The following MATN2 variants were observed in gnomAD, a reference collection of about 807,000 sequenced individuals.
MATN2 encodes matrilin 2.
A neutral mutation model predicts 103.2 loss-of-function variants in MATN2; 69 were observed. That is an observed-to-expected ratio of 0.67 (90% CI 0.55 to 0.82). The LOEUF is 0.82. Among genes scored for constraint, MATN2 ranks in the 40% least tolerant of loss-of-function variants. The pLI is 0.00. For synonymous variants in MATN2, 429 were observed against 450.2 expected (o/e 0.95, Z 0.60); for missense variants, 1,023 against 1,211.5 (o/e 0.84, Z 2.31).
intron 13 of MATN2, among the ~76,000 whole-genome samples, chr8:98,023,416 A>G (rs941619315): frequency 6.6e-5 from 10 of 152,194 alleles, no homozygotes; most frequent in African/African-American, 2.4e-4. Flanking sequence ...CACACCTGTA[A>G]TCCCAGCACC....
chr8:97,881,754 C>T (rs1818259876), intron 1 of MATN2, among the ~76,000 whole-genome samples: 1 of 152,116 alleles, frequency 6.6e-6, no homozygotes. Context: ...AACTGAGAAA[C>T]AACCATTGAG....
intron 5 of MATN2, among the ~76,000 whole-genome samples, chr8:97,964,835 A>G (rs1415513251): frequency 6.6e-6 from 1 of 151,430 alleles, no homozygotes; most frequent in Non-Finnish European, 1.5e-5. Flanking sequence ...CCAGGCTCAC[A>G]TGATCCTCCC....
chr8:98,005,317 G>A lies in MATN2; in HGVS notation c.1327+1534G>A, dbSNP rs539438204. ...CTCTGAGTCCTTTTGAGAGGCCAGC[G>A]GGGAGCGGGTCTCCCATTCAACAGG... is the stretch of plus-strand genomic sequence containing the variant. On this transcript the variant is annotated intron_variant, in intron 8 of 18. Transcript: ENST00000254898. This position sits in a 1 kb window ranked among gnomAD's most constrained non-coding sequence, Gnocchi z 4.6. Among the ~76,000 whole-genome samples the A allele has an allele frequency of 4.3e-4, 65 of 152,306 alleles. 1 individual carries two copies. Among genetic ancestry groups the A allele is most frequent in the African/African-American group, 1.5e-3 (62 of 41,562 alleles).
At chr8:97,890,728 G>A (rs1818600779) in intron 2 of MATN2, among the ~76,000 whole-genome samples, 2 of 152,140 alleles carry the variant, frequency 1.3e-5, no homozygotes, top group African/African-American at 4.8e-5. Context: ...TATGGCCCAG[G>A]CCACATTTCA....
At chr8:97,897,926 G>T (rs1309101957) in intron 2 of MATN2, among the ~76,000 whole-genome samples, 1 of 152,208 alleles carries the variant, frequency 6.6e-6, no homozygotes, top group Non-Finnish European at 1.5e-5. Flanking sequence ...TCTAGGCAAT[G>T]AATATATAAC....
chr8:98,018,765 G>A (rs762547466), intron 12 of MATN2, among the ~76,000 whole-genome samples: 8 of 151,910 alleles, frequency 5.3e-5, no homozygotes, highest in African/African-American at 1.2e-4. Flanking sequence ...GGAAAGCCCC[G>A]TCCCCATGAT....
chr8:98,025,754 A>G (rs1813772806), intron 13 of MATN2: 3 of 445,032 alleles, frequency 6.7e-6, no homozygotes, highest in Admixed American at 2.5e-5. Flanking sequence ...TCAAAAAAGA[A>G]GAAGAAATGA....
intron 1 of MATN2, among the ~76,000 whole-genome samples, chr8:97,873,217 CTAT>C (rs1254451197): frequency 6.6e-6 from 1 of 152,018 alleles, no homozygotes; most frequent in African/African-American, 2.4e-5. Flanking sequence ...GTAAGAAAAA[CTAT>C]TTAGAAAAAA....
chr8:97,963,950 C>T (rs1163761346), intron 5 of MATN2, among the ~76,000 whole-genome samples: 1 of 152,086 alleles, frequency 6.6e-6, no homozygotes, highest in Non-Finnish European at 1.5e-5. Flanking sequence ...ATGGTGAGTA[C>T]AACGCAAATG....
intron 2 of MATN2, among the ~76,000 whole-genome samples, chr8:97,912,928 G>A (rs1158254445): frequency 6.6e-6 from 1 of 152,158 alleles, no homozygotes; most frequent in East Asian, 1.9e-4. Context: ...TTTAACACGG[G>A]GAATTCGGTT....
chr8:97,945,611 C>A (rs1810721424), intron 4 of MATN2, among the ~76,000 whole-genome samples: 1 of 151,528 alleles, frequency 6.6e-6, no homozygotes, highest in Non-Finnish European at 1.5e-5. Context: ...CCCAAGTCCA[C>A]TGCTAATTGC....
intron 5 of MATN2, among the ~76,000 whole-genome samples, chr8:97,973,729 C>T (rs1391535789): frequency 1.3e-5 from 2 of 151,870 alleles, no homozygotes; most frequent in Non-Finnish European, 2.9e-5. Context: ...GCCACCATGC[C>T]CAGCTAATTT....
chr8:97,872,833 C>T (rs1817941685), intron 1 of MATN2, among the ~76,000 whole-genome samples: 3 of 151,010 alleles, frequency 2.0e-5, no homozygotes, highest in South Asian at 2.1e-4. Context: ...CTCGTTCTAT[C>T]GCCCACGCTA....
intron 2 of MATN2, among the ~76,000 whole-genome samples, chr8:97,898,175 C>T (rs138939656): frequency 8.5e-5 from 13 of 152,162 alleles, no homozygotes; most frequent in South Asian, 2.1e-4. Context: ...TTATCCCTTC[C>T]GTGAGTGACA....
intron 5 of MATN2, among the ~76,000 whole-genome samples, chr8:97,966,365 G>A (rs1418272766): frequency 6.6e-6 from 1 of 151,874 alleles, no homozygotes; most frequent in Non-Finnish European, 1.5e-5. Flanking sequence ...AGACAGGCCT[G>A]GGCAACAAAG....
At chr8:97,973,553 AG>A (rs1330084029) in intron 5 of MATN2, among the ~76,000 whole-genome samples, 1 of 150,838 alleles carries the variant, frequency 6.6e-6, no homozygotes, top group African/African-American at 2.4e-5. Context: ...TGAAGAAAAA[AG>A]TATGATATTT....
At chr8:98,019,103 T>C (rs1813482244) in intron 12 of MATN2, among the ~76,000 whole-genome samples, 1 of 129,472 alleles carries the variant, frequency 7.7e-6, no homozygotes. Flanking sequence ...ATATATATCA[T>C]AGAAGATATA....
chr8:97,870,804 C>T (rs1817869006), intron 1 of MATN2, among the ~76,000 whole-genome samples: 1 of 152,220 alleles, frequency 6.6e-6, no homozygotes, highest in African/African-American at 2.4e-5. Flanking sequence ...TGTCAAAATA[C>T]CAACATGGGT....
At chr8:97,944,423 C>T (rs911283264) in intron 4 of MATN2, among the ~76,000 whole-genome samples, 1 of 152,198 alleles carries the variant, frequency 6.6e-6, no homozygotes, top group Non-Finnish European at 1.5e-5. Context: ...TGATAAAGAA[C>T]AGCTCTCTCT....
Sources: allele counts gnomAD v4.1 joint callset (sites outside exome capture counted in the v4.1 genomes callset), GRCh38; gene constraint gnomAD v4.1.1; non-coding constraint Gnocchi (gnomAD v3.1); transcripts MANE v1.5; gene names NCBI Gene and HGNC (gene_info 2026-07-23, HGNC 2026-07-21).